Variants in DISP1 observed in about 807,000 individuals in gnomAD.
DISP1 encodes dispatched RND transporter family member 1.
DISP1 carries 30 observed loss-of-function variants against 37.3 expected under a neutral mutation model. The ratio of observed to expected loss-of-function variants is 0.80; its 90% CI spans 0.60 to 1.09. The LOEUF (loss-of-function observed/expected upper bound fraction) is 1.09. Ranked by LOEUF, DISP1 falls within the 50% of genes least tolerant of loss-of-function variation. The probability of loss-of-function intolerance (pLI) is 0.00; values close to 1 mark genes in which losing one functional copy is unlikely to be tolerated. For missense variants in DISP1, 1,598 were observed against 1,879.5 expected, an observed-to-expected ratio of 0.85 and a Z score of 2.77; for synonymous variants, 634 against 690.2, an observed-to-expected ratio of 0.92 and a Z score of 1.28.
chr1:222,821,106 C>A (rs1386479480), intron 1 of DISP1, among the ~76,000 whole-genome samples: 1 of 152,128 alleles, frequency 6.6e-6, no homozygotes, highest in Non-Finnish European at 1.5e-5. Flanking sequence ...CTGTAATCAG[C>A]AGGCCTGTTG....
intron 3 of DISP1, among the ~76,000 whole-genome samples, chr1:222,946,800 C>A (rs1180915649): frequency 6.6e-6 from 1 of 152,106 alleles, no homozygotes; most frequent in Non-Finnish European, 1.5e-5. Flanking sequence ...ACAGTTTGTG[C>A]AAATACTTTT....
intron 1 of DISP1, among the ~76,000 whole-genome samples, chr1:222,817,123 G>A (rs34331188): frequency 0.15 from 23,132 of 152,190 alleles, 1,969 homozygotes; most frequent in South Asian, 0.26. Context: ...CTTTGGAATT[G>A]TATTCTTTCT....
intron 2 of DISP1, among the ~76,000 whole-genome samples, chr1:222,939,355 A>ATT (rs35313341): frequency 0.03 from 3,347 of 112,920 alleles, 114 homozygotes; most frequent in African/African-American, 0.043. Context: ...AAGAAAAATA[A>ATT]TTTTTTTTTT....
At chr1:222,822,509 T>C (rs900174151) in intron 1 of DISP1, among the ~76,000 whole-genome samples, 1 of 152,222 alleles carries the variant, frequency 6.6e-6, no homozygotes, top group Non-Finnish European at 1.5e-5. Flanking sequence ...GTTTGAATGC[T>C]TTTCCTGTAA....
intron 8 of DISP1, among the ~76,000 whole-genome samples, chr1:222,997,150 G>T (rs1413801281): frequency 6.6e-6 from 1 of 151,508 alleles, no homozygotes; most frequent in Non-Finnish European, 1.5e-5. Flanking sequence ...AAAAGCATAT[G>T]CAAAGGATGA....
chr1:222,894,033 G>A (rs558679842), intron 1 of DISP1, among the ~76,000 whole-genome samples: 28 of 152,232 alleles, frequency 1.8e-4, no homozygotes, highest in African/African-American at 6.7e-4. Context: ...CGTGAAGTGG[G>A]TAGTTCCTTC....
intron 1 of DISP1, among the ~76,000 whole-genome samples, chr1:222,924,492 C>T (rs976161793): frequency 4.6e-5 from 7 of 152,096 alleles, no homozygotes; most frequent in African/African-American, 1.7e-4. Flanking sequence ...TCAGTGATTC[C>T]CTGCACTGGG....
Position 222,983,064 on chromosome 1 carries a change from CTTTT to C in DISP1, c.510-7_510-4del. Reference sequence around the variant, plus strand: ...TCTGTTTTTGATCATTTTTCCTTTGCTTTTTTTTTTTTCAGACCATCCAGACCTT... The same window carrying C: ...TCTGTTTTTGATCATTTTTCCTTTGCTTTTTTTTCAGACCATCCAGACCTT... On this transcript the variant is annotated splice_polypyrimidine_tract_variant and intron_variant, in intron 3 of 8. Coordinates refer to ENST00000675850, the MANE Select transcript of DISP1 (RefSeq NM_001377229.1). 1 of 1,165,342 alleles carries C rather than the reference CTTTT, an allele frequency of 8.6e-7. No homozygotes were observed. Among genetic ancestry groups the C allele is most frequent in the Non-Finnish European group, 1.2e-6 (1 of 844,804 alleles). The allele number at this position is 1,165,342 out of a possible 1,614,324, so 72.2% of individuals were successfully genotyped here.
chr1:222,927,952 A>G (rs1307498877), intron 1 of DISP1, among the ~76,000 whole-genome samples: 1 of 152,228 alleles, frequency 6.6e-6, no homozygotes, highest in Non-Finnish European at 1.5e-5. Flanking sequence ...CTGTCCTAAA[A>G]GTAGGATCTT....
chr1:222,949,466 A>G (rs1460862338), intron 3 of DISP1, among the ~76,000 whole-genome samples: 2 of 152,134 alleles, frequency 1.3e-5, no homozygotes, highest in African/African-American at 2.4e-5. Flanking sequence ...AATTATTGCC[A>G]AATATTAAGT....
intron 2 of DISP1, among the ~76,000 whole-genome samples, chr1:222,936,835 A>ATCTATATCATATATATGATATATAATT: frequency 2.6e-5 from 1 of 38,946 alleles, no homozygotes; most frequent in South Asian, 9.8e-4. Flanking sequence ...TATATAAATT[A>ATCTATATCATATATATGATATATAATT]TATATATCAT....
chr1:222,972,514 C>G (rs551870585), intron 3 of DISP1, among the ~76,000 whole-genome samples: 15 of 152,232 alleles, frequency 9.9e-5, no homozygotes, highest in African/African-American at 3.6e-4. Flanking sequence ...TGCTTCCCCT[C>G]AAACAACCCC....
intron 8 of DISP1, among the ~76,000 whole-genome samples, chr1:222,995,223 G>T (rs556724196): frequency 5.9e-5 from 9 of 152,190 alleles, no homozygotes; most frequent in African/African-American, 2.2e-4. Context: ...ATCTCTGGCT[G>T]TTGATGGTGT....
At chr1:222,919,183 A>G (rs1047889226) in intron 1 of DISP1, among the ~76,000 whole-genome samples, 1 of 152,192 alleles carries the variant, frequency 6.6e-6, no homozygotes, top group African/African-American at 2.4e-5. Flanking sequence ...AAACAAAGGG[A>G]GAGATGGTGC....
chr1:222,842,641 A>G (rs1355496324), intron 1 of DISP1, among the ~76,000 whole-genome samples: 5 of 152,082 alleles, frequency 3.3e-5, no homozygotes, highest in African/African-American at 1.2e-4. Context: ...ACAATTGCAT[A>G]AATACTGCCC....
intron 1 of DISP1, among the ~76,000 whole-genome samples, chr1:222,828,256 TTTTG>T (rs1303906132): frequency 2.6e-5 from 4 of 152,238 alleles, no homozygotes; most frequent in African/African-American, 4.8e-5. Context: ...TCTACTTATC[TTTTG>T]TTTGTTTGTT....
chr1:222,845,234 A>G (rs560405392), intron 1 of DISP1, among the ~76,000 whole-genome samples: 4 of 152,296 alleles, frequency 2.6e-5, no homozygotes, highest in African/African-American at 9.6e-5. Flanking sequence ...CTTTTGGTAA[A>G]TGCCAAAGAA....
chr1:222,980,223 A>G (rs1376122212), intron 3 of DISP1, among the ~76,000 whole-genome samples: 1 of 152,250 alleles, frequency 6.6e-6, no homozygotes, highest in African/African-American at 2.4e-5. Flanking sequence ...TAAGGAATGT[A>G]TGTAGAACTT....
At chr1:222,946,185 AAC>A (rs1674757321) in intron 3 of DISP1, among the ~76,000 whole-genome samples, 1 of 149,316 alleles carries the variant, frequency 6.7e-6, no homozygotes, top group Non-Finnish European at 1.5e-5. Flanking sequence ...CATCCTAGCT[AAC>A]ACAGTGAAAT....
Sources: gnomAD v4.1 joint callset for allele counts (sites outside exome capture counted in the v4.1 genomes callset) on GRCh38, gnomAD v4.1.1 for gene constraint, MANE v1.5 for transcripts, NCBI Gene and HGNC (gene_info 2026-07-23, HGNC 2026-07-21) for gene names.